The following ELP1 variants were observed in gnomAD, a reference collection of about 807,000 sequenced individuals.
ELP1 encodes elongator acetyltransferase complex subunit 1.
A neutral mutation model predicts 183.2 loss-of-function variants in ELP1; 131 were observed. That is an observed-to-expected ratio of 0.72 (90% CI 0.62 to 0.83). The LOEUF is 0.83. ELP1 is among the 40% of genes least tolerant of loss of function. The probability of loss-of-function intolerance (pLI) is 0.00; values close to 1 mark genes in which losing one functional copy is unlikely to be tolerated. For synonymous variants in ELP1, 555 were observed against 569.0 expected (o/e 0.98, Z 0.35); for missense variants, 1,550 against 1,594.9 (o/e 0.97, Z 0.48).
chr9:108,932,384 C>T (rs559000285), intron 1 of ELP1, among the ~76,000 whole-genome samples: 4 of 152,250 alleles, frequency 2.6e-5, no homozygotes, highest in Admixed American at 1.3e-4. Context: ...TCTTATTGCC[C>T]AGGCTGGGGT....
rs376130216 is a variant in ELP1 at position 108,927,469 on chromosome 9, T to C, written c.304-16A>G. The C allele has an allele frequency of 1.9e-5, 31 of 1,602,720 alleles. No homozygotes were observed. The highest frequency in any genetic ancestry group is 6.7e-5 in the African/African-American group (5 of 74,526). ...CACACTCCAGCTGAGACAGAGAAAA[T>C]TGAAAAGAGAGATTCAAACACTAGC... is the stretch of plus-strand genomic sequence containing the variant. On this transcript the variant is annotated splice_polypyrimidine_tract_variant and intron_variant, in intron 3 of 36. Transcript: ENST00000374647.
intron 2 of ELP1, among the ~76,000 whole-genome samples, 190 bp from the exon 3 acceptor site, chr9:108,930,111 T>C (rs1829950614): frequency 6.6e-6 from 1 of 152,200 alleles, no homozygotes; most frequent in Non-Finnish European, 1.5e-5. Context: ...GAAAAATAGG[T>C]AATGTGACCT....
rs1564207087 is a variant in ELP1 at position 108,872,803 on chromosome 9, T to TCAAAA, written c.3931+2091_3931+2092insTTTTG. Among the ~76,000 whole-genome samples, 16 of 62,810 alleles carry TCAAAA rather than the reference T, an allele frequency of 2.5e-4. 1 individual carries two copies. The highest frequency in any genetic ancestry group is 1.1e-3 in the African/African-American group (14 of 12,876). The allele number at this position is 62,810 out of a possible 152,430, so 41.2% of individuals were successfully genotyped here. On this transcript the variant is annotated intron_variant, in intron 36 of 36. Transcript: ENST00000374647. ...CTGGGCCACAGAGCAAGACTCTGTC[T>TCAAAA]GAAAAAAAAAAAAAAAAAAAAAAAA...
intron 6 of ELP1, among the ~76,000 whole-genome samples, chr9:108,920,854 GT>G (rs1457769712): frequency 6.6e-5 from 10 of 151,994 alleles, no homozygotes; most frequent in South Asian, 2.1e-4. Flanking sequence ...AGGATGCTCG[GT>G]TTTTTTCCCC....
Position 108,889,341 on chromosome 9 carries a change from C to A in ELP1, c.3213G>T (p.Glu1071Asp). ...KHIDAAMVLE[E>D]CAQDYEEAVL... is the part of the protein sequence containing the mutation. ...GAGGAATTGAGTTTACCTGGGCACA[C>A]TCTTCCAAAACCATGGCCGCATCAA... Residue 1071 changes from glutamate (E) to aspartate (D), a missense_variant, in exon 29 of 37, where the codon GAG becomes GAT. Coordinates refer to ENST00000374647, the MANE Select transcript of ELP1 (RefSeq NM_003640.5). The A allele has an allele frequency of 6.2e-7, 1 of 1,614,124 alleles. No homozygotes were observed. Among genetic ancestry groups the A allele is most frequent in the Non-Finnish European group, 8.5e-7 (1 of 1,179,954 alleles).
Position 108,912,470 on chromosome 9 carries a change from T to C in ELP1, c.983A>G (p.Tyr328Cys), listed in dbSNP as rs750663365. Reference protein sequence around the residue: ...TCVQLWTVGNYHWYLKQSLSF... With the variant: ...TCVQLWTVGNCHWYLKQSLSF... The stretch of plus-strand genomic sequence containing the variant: ...TAAACTTTGCTTGAGATACCAGTGA[T>C]AGTTTCCAACAGTCCAGAGCTGAAC... The change falls in exon 11 of 37, where the codon TAT becomes TGT. Residue 328 changes from tyrosine (Y) to cysteine (C), a missense_variant. By Grantham distance (194) the Tyr-to-Cys change is radical. Coordinates refer to ENST00000374647, the MANE Select transcript of ELP1 (RefSeq NM_003640.5). 1.9e-6 allele frequency: 3 copies of C among 1,613,768 alleles called. No homozygotes were observed. The highest frequency in any genetic ancestry group is 2.7e-5 in the African/African-American group (2 of 74,888).
Position 108,927,383 on chromosome 9 carries a change from A to G in ELP1, c.374T>C (p.Leu125Pro), listed in dbSNP as rs1229842710. 2.5e-6 allele frequency: 4 copies of G among 1,613,388 alleles called. No homozygotes were observed. The highest frequency in any genetic ancestry group is 1.7e-5 in the Admixed American group (1 of 60,012). Residue 125 changes from leucine (L) to proline (P), a missense_variant, in exon 4 of 37, where the codon CTT becomes CCT. Transcript: ENST00000374647. Reference protein sequence around the residue: ...MSWSPDQELVLLATGQQTLIM... With the variant: ...MSWSPDQELVPLATGQQTLIM... ...AGTAACAAGCTTACCTGTGGCAAGAAGCACCAGCTCTTGGTCAGGACTCCA... is the reference window on the plus strand; with the variant it reads ...AGTAACAAGCTTACCTGTGGCAAGAGGCACCAGCTCTTGGTCAGGACTCCA...
rs1197640854 is a variant in ELP1 at position 108,872,761 on chromosome 9, C to T, written c.3931+2134G>A. ...CGGAGCTTGCAGTGAGCCGAGATTG[C>T]GCCACTGCACTCCCGCCTGGGCCAC... On this transcript the variant is annotated intron_variant, in intron 36 of 36. Transcript: ENST00000374647. Among the ~76,000 whole-genome samples, 5 of 124,272 alleles carry T rather than the reference C, an allele frequency of 4.0e-5. No homozygotes were observed. In the East Asian group the frequency reaches 1.2e-3, roughly 29 times the overall value. 81.5% of individuals were successfully genotyped at this position (124,272 alleles called of 152,430 possible).
chr9:108,892,737 T>A (rs1587886435), intron 27 of ELP1, among the ~76,000 whole-genome samples: 1 of 152,050 alleles, frequency 6.6e-6, no homozygotes, highest in Middle Eastern at 3.4e-3. Context: ...CTTACAGCAG[T>A]AAGGTTGGGC....
At chr9:108,901,569 C>G in intron 17 of ELP1, 39 bp from the exon 18 acceptor site, 3 of 1,610,572 alleles carry the variant, frequency 1.9e-6, no homozygotes, top group Non-Finnish European at 2.5e-6. Flanking sequence ...TGAAAGCTAG[C>G]TAGATTACTC....
At chr9:108,871,324 G>A (rs939641195) in intron 36 of ELP1, among the ~76,000 whole-genome samples, 4 of 152,048 alleles carry the variant, frequency 2.6e-5, no homozygotes, top group African/African-American at 9.7e-5. Flanking sequence ...CAATGTCTTC[G>A]GTGTTGAACT....
rs56305287 is a variant in ELP1 at position 108,868,613 on chromosome 9, G to A, written c.*502C>T. 5.4e-4 allele frequency: 243 copies of A among 452,770 alleles called. 1 individual carries two copies. In the East Asian group the frequency reaches 7.2e-3, roughly 13 times the overall value. 28.0% of individuals were successfully genotyped at this position (452,770 alleles called of 1,614,324 possible). On this transcript the variant is annotated 3_prime_UTR_variant, in exon 37 of 37. Transcript: ENST00000374647. Reference sequence around the variant, plus strand: ...CCTGGTAAGATGTTACAAAATAATAGCTGTCAGCAAAGGAGGGCTTATAAT... The same window carrying A: ...CCTGGTAAGATGTTACAAAATAATAACTGTCAGCAAAGGAGGGCTTATAAT...
chr9:108,929,794 A>G lies in ELP1; in HGVS notation c.278T>C (p.Ile93Thr), dbSNP rs1181341289. ...VCVATASGDV[I>T]LCSLSTQQLE... is the part of the protein sequence containing the mutation. ...CTGTTGTGTGCTGAGACTGCAGAGT[A>G]TGACGTCTCCAGAGGCTGTGGCCAC... The change falls in exon 3 of 37, where the codon ATA (isoleucine) becomes ACA (threonine). Residue 93 changes from isoleucine (I) to threonine (T), a missense_variant. Transcript: ENST00000374647. 1 of 1,613,894 alleles carries G rather than the reference A, an allele frequency of 6.2e-7. No individual in the cohort carries two copies. Among genetic ancestry groups the G allele is most frequent in the Non-Finnish European group, 8.5e-7 (1 of 1,180,032 alleles).
At chr9:108,911,539 T>C (rs961383540) in intron 11 of ELP1, among the ~76,000 whole-genome samples, 3 of 152,198 alleles carry the variant, frequency 2.0e-5, no homozygotes, top group Admixed American at 2.0e-4. Flanking sequence ...TAAAGCACTT[T>C]CCTATGTGTG....
chr9:108,890,619 G>A (rs1828286378), intron 28 of ELP1, among the ~76,000 whole-genome samples: 1 of 152,138 alleles, frequency 6.6e-6, no homozygotes, highest in Admixed American at 6.5e-5. Flanking sequence ...GGCAACCCTT[G>A]TCCCTGACGC....
At chr9:108,912,880 G>C (rs1035890950) in intron 10 of ELP1, among the ~76,000 whole-genome samples, 1 of 149,818 alleles carries the variant, frequency 6.7e-6, no homozygotes, top group African/African-American at 2.5e-5. Flanking sequence ...TCAGCCTCTC[G>C]AGTAGCTAGG....
At chr9:108,900,174 G>A in intron 19 of ELP1, 86 bp downstream of exon 19, 4 of 970,702 alleles carry the variant, frequency 4.1e-6, no homozygotes, top group Non-Finnish European at 6.6e-6. Flanking sequence ...GAATAAGAAA[G>A]CCTAAAATAC....
chr9:108,896,632 G>A lies in ELP1; in HGVS notation c.2600C>T (p.Ser867Phe). 1 of 1,614,066 alleles carries A rather than the reference G, an allele frequency of 6.2e-7. No homozygotes were observed. Among genetic ancestry groups the A allele is most frequent in the Non-Finnish European group, 8.5e-7 (1 of 1,179,926 alleles). ...TTCAGCACTCACAGCATCAGGATCA[G>A]AGGGAGCATTTCCTAACAGTGTTTA... ...KVHELQGNAP[S>F]DPDAVSAEEA... is the part of the protein sequence containing the mutation. Residue 867 changes from serine (S) to phenylalanine (F), a missense_variant, in exon 25 of 37, where the codon TCT (serine) becomes TTT (phenylalanine). Coordinates refer to ENST00000374647, the MANE Select transcript of ELP1 (RefSeq NM_003640.5).
intron 1 of ELP1, among the ~76,000 whole-genome samples, chr9:108,931,580 G>T (rs937404020): frequency 4.6e-5 from 7 of 152,182 alleles, no homozygotes; most frequent in Non-Finnish European, 1.0e-4. Context: ...AAAAACAAAA[G>T]GGTATCCCAC....
Sources: allele counts gnomAD v4.1 joint callset (sites outside exome capture counted in the v4.1 genomes callset), GRCh38; gene constraint gnomAD v4.1.1; transcripts MANE v1.5; gene names NCBI Gene and HGNC (gene_info 2026-07-23, HGNC 2026-07-21).